Variants in RBFOX1 observed in about 807,000 individuals in gnomAD.
RBFOX1 encodes the protein RNA binding protein fox-1 homolog 1.
RBFOX1 carries 8 observed loss-of-function variants against 57.7 expected under a neutral mutation model. The ratio of observed to expected loss-of-function variants is 0.14; its 90% confidence interval spans 0.08 to 0.25. The LOEUF is 0.25. RBFOX1 is among the 10% of genes least tolerant of loss of function. The pLI, the probability that RBFOX1 is intolerant of heterozygous loss-of-function variation, is 1.00. For synonymous variants in RBFOX1, 326 were observed against 222.4 expected, an observed-to-expected ratio of 1.47 and a Z score of -4.15; for missense variants, 611 against 548.5, an observed-to-expected ratio of 1.11 and a Z score of -1.14.
chr16:6,939,228 A>G (rs1255621003), intron 3 of RBFOX1, among the ~76,000 whole-genome samples: 1 of 152,278 alleles, frequency 6.6e-6, no homozygotes, highest in South Asian at 2.1e-4. Context: ...ATATATAAAA[A>G]CCATAAAGGT....
intron 4 of RBFOX1, among the ~76,000 whole-genome samples, chr16:7,338,945 T>A (rs1401794241): frequency 2.0e-5 from 3 of 152,196 alleles, no homozygotes; most frequent in Non-Finnish European, 4.4e-5. Context: ...GCACACCTGA[T>A]ATAAATGCTG....
chr16:5,282,840 C>T (rs767443912), intron 1 of RBFOX1, among the ~76,000 whole-genome samples: 2 of 152,208 alleles, frequency 1.3e-5, no homozygotes, highest in South Asian at 2.1e-4. Flanking sequence ...AAGAAAAATT[C>T]GATCTGGCTG....
chr16:7,579,219 C>T (rs1159526345), intron 5 of RBFOX1, among the ~76,000 whole-genome samples: 1 of 152,186 alleles, frequency 6.6e-6, no homozygotes, highest in Non-Finnish European at 1.5e-5. Context: ...AGTCAATCAG[C>T]TGGTTATTTG....
chr16:6,837,572 A>G (rs1393103271), intron 3 of RBFOX1, among the ~76,000 whole-genome samples: 1 of 152,322 alleles, frequency 6.6e-6, no homozygotes, highest in Admixed American at 6.5e-5. Context: ...CTGGGCTCAG[A>G]CTGGTTTTGA....
At chr16:5,395,646 G>A (rs1006832485) in intron 1 of RBFOX1, among the ~76,000 whole-genome samples, 4 of 152,156 alleles carry the variant, frequency 2.6e-5, no homozygotes, top group African/African-American at 7.2e-5. Flanking sequence ...ATCCCCTCCC[G>A]TTGCATGTGG....
intron 2 of RBFOX1, among the ~76,000 whole-genome samples, chr16:6,528,122 C>G (rs1260898661): frequency 6.6e-6 from 1 of 152,108 alleles, no homozygotes; most frequent in Non-Finnish European, 1.5e-5. Context: ...AACTGGAATC[C>G]TTCCCTTTCT....
At chr16:6,538,594 ATGT>A (rs2096767330) in intron 2 of RBFOX1, among the ~76,000 whole-genome samples, 1 of 152,200 alleles carries the variant, frequency 6.6e-6, no homozygotes. Context: ...AAGGTAACAA[ATGT>A]TGTCCAGGCT....
chr16:6,483,782 C>A, intron 2 of RBFOX1: 1 of 1,400,440 alleles, frequency 7.1e-7, no homozygotes, highest in Non-Finnish European at 9.3e-7. Flanking sequence ...AACGTTAGCG[C>A]AGACACGGTG....
intron 2 of RBFOX1, among the ~76,000 whole-genome samples, chr16:6,542,606 C>G (rs1004322047): frequency 1.3e-5 from 2 of 149,222 alleles, no homozygotes; most frequent in African/African-American, 4.9e-5. Context: ...TCTCCTGCCT[C>G]AGCCTGGCAA....
At chr16:5,329,101 G>C (rs960868098) in intron 1 of RBFOX1, among the ~76,000 whole-genome samples, 4 of 152,182 alleles carry the variant, frequency 2.6e-5, no homozygotes, top group African/African-American at 9.7e-5. Flanking sequence ...CCATGGAGTA[G>C]TTTCCGTTAT....
chr16:7,062,784 G>C (rs1355201756), intron 4 of RBFOX1, among the ~76,000 whole-genome samples: 1 of 151,722 alleles, frequency 6.6e-6, no homozygotes, highest in Non-Finnish European at 1.5e-5. Flanking sequence ...GTGAAGAGAC[G>C]GTTCCCAGGG....
chr16:5,512,252 GA>G (rs2043621378), intron 2 of RBFOX1, among the ~76,000 whole-genome samples: 1 of 152,202 alleles, frequency 6.6e-6, no homozygotes, highest in South Asian at 2.1e-4. Flanking sequence ...ATGCATTTAG[GA>G]GGAGAAGAGA....
chr16:7,700,515 G>A (rs2080323491), intron 14 of RBFOX1, among the ~76,000 whole-genome samples: 1 of 152,134 alleles, frequency 6.6e-6, no homozygotes, highest in Non-Finnish European at 1.5e-5. Flanking sequence ...GATACAATTT[G>A]TTTTTCCTCC....
intron 2 of RBFOX1, among the ~76,000 whole-genome samples, chr16:5,523,078 G>A (rs28789180): frequency 0.044 from 6,672 of 152,046 alleles, 503 homozygotes; most frequent in African/African-American, 0.15. Context: ...ACAAGGTCAG[G>A]AGTTCGAGAC....
intron 3 of RBFOX1, among the ~76,000 whole-genome samples, chr16:6,826,541 C>T (rs938731471): frequency 7.2e-5 from 11 of 151,976 alleles, no homozygotes; most frequent in African/African-American, 2.4e-4. Context: ...CACAGTCTTC[C>T]GGGCATACGT....
chr16:7,452,327 G>A (rs750213235), intron 4 of RBFOX1, among the ~76,000 whole-genome samples: 13 of 152,170 alleles, frequency 8.5e-5, no homozygotes, highest in Admixed American at 1.3e-4. Context: ...GTCAGCCCGC[G>A]TTAGCGTGTA....
chr16:7,346,852 G>A (rs1241735314), intron 4 of RBFOX1, among the ~76,000 whole-genome samples: 1 of 152,080 alleles, frequency 6.6e-6, no homozygotes, highest in African/African-American at 2.4e-5. Flanking sequence ...GTGTGTTTTT[G>A]TTAAGATCCC....
At chr16:5,824,316 T>C (rs2055960734) in intron 3 of RBFOX1, among the ~76,000 whole-genome samples, 1 of 152,176 alleles carries the variant, frequency 6.6e-6, no homozygotes, top group Non-Finnish European at 1.5e-5. Flanking sequence ...TGCCTCCCTC[T>C]TTTTTGGTCA....
chr16:6,742,195 C>T (rs1042662823), intron 3 of RBFOX1, among the ~76,000 whole-genome samples: 1 of 151,866 alleles, frequency 6.6e-6, no homozygotes, highest in Non-Finnish European at 1.5e-5. Flanking sequence ...AAATATTTTA[C>T]CAAAGAGGAT....
Sources: gnomAD v4.1 joint callset for allele counts (sites outside exome capture counted in the v4.1 genomes callset) on GRCh38, gnomAD v4.1.1 for gene constraint, MANE v1.5 for transcripts, NCBI Gene and HGNC (gene_info 2026-07-23, HGNC 2026-07-21) for gene names.